The following CIRBP variants were observed in gnomAD, a reference collection of about 807,000 sequenced individuals.
CIRBP encodes cold inducible RNA binding protein.
A neutral mutation model predicts 22.3 loss-of-function variants in CIRBP; 11 were observed. The observed-to-expected ratio is 0.49, with a 90% confidence interval of 0.31 to 0.82. CIRBP has a LOEUF of 0.82. CIRBP is among the 40% of genes least tolerant of loss of function. CIRBP has a pLI of 0.05. For missense variants in CIRBP, 456 were observed against 402.7 expected (o/e 1.13, Z -1.13); for synonymous variants, 216 against 158.8 (o/e 1.36, Z -2.71).
intron 5 of CIRBP, 35 bp from the exon 6 acceptor site, chr19:1,271,946 T>A: frequency 6.4e-7 from 1 of 1,564,346 alleles, no homozygotes; most frequent in African/African-American, 1.3e-5. Flanking sequence ...AGTAGACGGG[T>A]ACCTTCCGGT....
chr19:1,271,427 C>T lies in CIRBP; in HGVS notation c.309C>T (p.Phe103=), dbSNP rs1396484444. 6 of 1,613,264 alleles carry T rather than the reference C, an allele frequency of 3.7e-6. No individual in the cohort carries two copies. Among genetic ancestry groups the T allele is most frequent in the Admixed American group, 1.7e-5 (1 of 59,974 alleles). ...GTGGCTCTGCCGGGGGCCGGGGCTTCTTCCGTGGGGGCCGAGGACGGGGCC... is the reference window on the plus strand; with the variant it reads ...GTGGCTCTGCCGGGGGCCGGGGCTTTTTCCGTGGGGGCCGAGGACGGGGCC... ...YRGGSAGGRG[F]FRGGRGRGRG... The change falls in exon 4 of 6, where the codon TTC becomes TTT. Residue 103 remains phenylalanine (F), a synonymous_variant. Transcript: ENST00000587896.
At chr19:1,270,876 A>C in intron 1 of CIRBP, 52 bp from the exon 2 acceptor site, 1 of 1,063,222 alleles carries the variant, frequency 9.4e-7, no homozygotes, top group Admixed American at 1.7e-5. Context: ...GGAAGCGGGG[A>C]GAGGTGGTGA....
At position 1,271,072 on chromosome 19, in the gene CIRBP, G is replaced by T. The variant is rs759549134; in HGVS notation, c.103+36G>T. ...TGCTGGGCCCGCGGCCCTGGGCGGG[G>T]GGGCTTGTGCTCCTCCTACCTGGAA... On this transcript the variant is annotated intron_variant, in intron 2 of 5. Coordinates refer to ENST00000587896, the MANE Select transcript of CIRBP (RefSeq NM_001300829.2). The T allele has an allele frequency of 4.3e-6, 7 of 1,611,562 alleles. No individual in the cohort carries two copies. The South Asian group carries it at 7.7e-5, about 18-fold the overall frequency.
At position 1,274,657 on chromosome 19, in the gene CIRBP, T is replaced by A. The variant is rs1436256841; in HGVS notation, c.*2214T>A. ...CTTCCTCCTCCTTCCAGGAGGCGCT[T>A]CGCCAGTGAGGTGCGGGCTCAGGGC... On this transcript the variant is annotated 3_prime_UTR_variant, in exon 6 of 6. Transcript: ENST00000587896. 1 of 219,978 alleles carries A rather than the reference T, an allele frequency of 4.5e-6. No homozygotes were observed. The highest frequency in any genetic ancestry group is 8.9e-6 in the Non-Finnish European group (1 of 112,688). 13.6% of individuals were successfully genotyped at this position (219,978 alleles called of 1,614,324 possible).
rs1488944300 is a variant in CIRBP, at chr19:1,273,452, G to C, written c.*1009G>C. The C allele has an allele frequency of 6.6e-6, 1 of 152,368 alleles. No homozygotes were observed. Among genetic ancestry groups the C allele is most frequent in the Non-Finnish European group, 1.5e-5 (1 of 68,144 alleles). 9.4% of individuals were successfully genotyped at this position (152,368 alleles called of 1,614,324 possible). A position where few individuals can be genotyped will look rare whatever the true frequency, so the allele number is the denominator to read the frequency against. On this transcript the variant is annotated 3_prime_UTR_variant, in exon 6 of 6. Transcript: ENST00000587896. ...CTGTGCGGGCAGCTTAGCAGGGACAGTGGACGTGCACCTGACGCTGACCTG... is the reference window on the plus strand; with the variant it reads ...CTGTGCGGGCAGCTTAGCAGGGACACTGGACGTGCACCTGACGCTGACCTG...
chr19:1,272,294 C>T lies in CIRBP; in HGVS notation c.745C>T (p.Arg249Cys), dbSNP rs772958212. 29 of 1,613,296 alleles carry T rather than the reference C, an allele frequency of 1.8e-5. No homozygotes were observed. The Admixed American group carries it at 3.0e-4, about 17-fold the overall frequency. ...GCAGTCAGCTAGGTGCATGTGTGGC[C>T]GCAGGCCAGCCTCCCTCGGCTGTGG... ...AGQSARCMCGRRPASLGCGGW... is the reference protein window; with the variant it reads ...AGQSARCMCGCRPASLGCGGW... The change falls in exon 6 of 6, where the codon CGC (arginine) becomes TGC (cysteine). Residue 249 changes from arginine to cysteine, a missense_variant. Arg to Cys is a radical substitution (Grantham distance 180, BLOSUM62 -3). Around this residue, in one of 2 missense-constraint regions of CIRBP, gnomAD observed 426 missense variants for 339.6 expected, o/e 1.25. Transcript: ENST00000587896.
intron 1 of CIRBP, 76 bp from the exon 2 acceptor site, chr19:1,270,852 A>G (rs2081327617): frequency 2.2e-6 from 2 of 924,612 alleles, no homozygotes; most frequent in Non-Finnish European, 3.5e-6. Context: ...AACACATGTC[A>G]TTTACATAAA....
intron 1 of CIRBP, 70 bp downstream of exon 1, chr19:1,269,480 C>A (rs1407680028): frequency 6.6e-6 from 1 of 151,020 alleles, no homozygotes; most frequent in African/African-American, 2.4e-5. Flanking sequence ...CCAGGCGAGG[C>A]GGGGCCGCAG....
chr19:1,272,497 G>T lies in CIRBP; in HGVS notation c.*54G>T, dbSNP rs1600028816. On this transcript the variant is annotated 3_prime_UTR_variant, in exon 6 of 6. Transcript: ENST00000587896. ...CAATGGCTGTGTGTTTAAAGATTGT[G>T]GGAGCTTCGCTGAACGTTAATGTGT... 2.1e-6 allele frequency: 3 copies of T among 1,416,588 alleles called. No individual in the cohort carries two copies. The highest frequency in any genetic ancestry group is 1.4e-5 in the South Asian group (1 of 72,856). 87.8% of individuals were successfully genotyped at this position (1,416,588 alleles called of 1,614,324 possible).
Position 1,270,987 on chromosome 19 carries a change from TGAGCAGTCGCTG to T in CIRBP, c.61_72del (p.Ser21_Gln24del). ...TTGGAGGGCTGAGTTTTGACACCAA[TGAGCAGTCGCTG>T]GAGCAGGTCTTCTCAAAGTACGGAC... is the stretch of plus-strand genomic sequence containing the variant. On this transcript the variant is annotated inframe_deletion, in exon 2 of 6. Transcript: ENST00000587896. 1 of 1,614,062 alleles carries T rather than the reference TGAGCAGTCGCTG, an allele frequency of 6.2e-7. No homozygotes were observed.
Position 1,271,985 on chromosome 19 carries a change from A to G in CIRBP, c.436A>G (p.Ser146Gly). 1.2e-6 allele frequency: 2 copies of G among 1,606,992 alleles called. No individual in the cohort carries two copies. Among genetic ancestry groups the G allele is most frequent in the Admixed American group, 1.7e-5 (1 of 59,920 alleles). ...CAACGTTTGTCTGTCTTGCAGCCGG[A>G]GTCAGAGTGGTGGCTACAGTGACCG... ...GGSRDYYSSR[S>G]QSGGYSDRSS... Residue 146 changes from serine (S) to glycine (G), a missense_variant, in exon 6 of 6, where the codon AGT (serine) becomes GGT (glycine). Coordinates refer to ENST00000587896, the MANE Select transcript of CIRBP (RefSeq NM_001300829.2).
rs770674430 is a variant in CIRBP at position 1,271,125 on chromosome 19, C to T, written c.104-15C>T. Reference sequence around the variant, plus strand: ...ACAGCTGGGTGCTGACTGCAGACCTCTCTCCCCTGCACAGTGGTGGTTGTG... The same window carrying T: ...ACAGCTGGGTGCTGACTGCAGACCTTTCTCCCCTGCACAGTGGTGGTTGTG... On this transcript the variant is annotated splice_polypyrimidine_tract_variant and intron_variant, in intron 2 of 5. Transcript: ENST00000587896. The T allele has an allele frequency of 1.3e-5, 21 of 1,612,874 alleles. No individual in the cohort carries two copies. The South Asian group carries it at 2.3e-4, about 18-fold the overall frequency.
In CIRBP at chr19:1,272,034, A is replaced by G; in HGVS notation, c.485A>G (p.Asp162Gly). 6.2e-7 allele frequency: 1 copy of G among 1,613,868 alleles called. No individual in the cohort carries two copies. The change falls in exon 6 of 6, where the codon GAC becomes GGC. Residue 162 changes from aspartate (D) to glycine (G), a missense_variant. Transcript: ENST00000587896. ...SDRSSGGSYR[D>G]SYDSYGKSHS... ...CGGAGCTCGGGCGGGTCCTACAGAGACAGTTATGACAGTTACGGTAAGTCA... is the reference window on the plus strand; with the variant it reads ...CGGAGCTCGGGCGGGTCCTACAGAGGCAGTTATGACAGTTACGGTAAGTCA...
rs2081387112 is a variant in CIRBP, at chr19:1,274,251, G to A, written c.*1808G>A. The A allele has an allele frequency of 6.5e-5, 26 of 400,866 alleles. No individual in the cohort carries two copies. In the East Asian group the frequency reaches 9.3e-4, roughly 14 times the overall value. 24.8% of individuals were successfully genotyped at this position (400,866 alleles called of 1,614,324 possible). A position where few individuals can be genotyped will look rare whatever the true frequency, so the allele number is the denominator to read the frequency against. ...TGGCTGTTTCCGGGGAGGCCGGGAGGGGCAGCTGTGAGCCCTGTGGAGGAC... is the reference window on the plus strand; with the variant it reads ...TGGCTGTTTCCGGGGAGGCCGGGAGAGGCAGCTGTGAGCCCTGTGGAGGAC... On this transcript the variant is annotated 3_prime_UTR_variant, in exon 6 of 6. Transcript: ENST00000587896.
intron 1 of CIRBP, chr19:1,270,092 A>G (rs763817466): frequency 1.9e-6 from 1 of 519,544 alleles, no homozygotes; most frequent in South Asian, 1.4e-5. Flanking sequence ...GTTCTCCTAA[A>G]TGCCACTTCC....
At chr19:1,270,634 G>T (rs763304755) in intron 1 of CIRBP, among the ~76,000 whole-genome samples, 5 of 152,024 alleles carry the variant, frequency 3.3e-5, no homozygotes, top group Non-Finnish European at 2.9e-5. Flanking sequence ...TTATCCAGGC[G>T]TGGTGGTGTA....
rs762498708 is a variant in CIRBP at position 1,271,539 on chromosome 19, C to T, written c.350-12C>T. ...GGTGGGAGCTGGTACTCACTTTTTC[C>T]TGTATGTGCAGGAGGAGGGGACCGA... On this transcript the variant is annotated splice_polypyrimidine_tract_variant and intron_variant, in intron 4 of 5. Transcript: ENST00000587896. 3 of 1,592,872 alleles carry T rather than the reference C, an allele frequency of 1.9e-6. No homozygotes were observed. The highest frequency in any genetic ancestry group is 1.1e-5 in the South Asian group (1 of 88,014).
chr19:1,272,080 G>T lies in CIRBP; in HGVS notation c.531G>T (p.Leu177=). 1 of 1,614,104 alleles carries T rather than the reference G, an allele frequency of 6.2e-7. No homozygotes were observed. The highest frequency in any genetic ancestry group is 8.5e-7 in the Non-Finnish European group (1 of 1,180,022). ...AGTCACACTCCGAGGGCGCCACGCT[G>T]CTGTGGCCTGCGGTGGGAGCTCGGT... The part of the protein sequence containing the change: ...YGKSHSEGAT[L]LWPAVGARFT... The change falls in exon 6 of 6, where the codon CTG becomes CTT. Residue 177 remains leucine, a synonymous_variant. Coordinates refer to ENST00000587896, the MANE Select transcript of CIRBP (RefSeq NM_001300829.2).
At chr19:1,274,835 C>A (rs2081396272), downstream of CIRBP, 1 of 152,882 alleles carries the variant, frequency 6.5e-6, no homozygotes. Flanking sequence ...TCAGGGGGGT[C>A]TGTCGGCGGA....
Sources: allele counts gnomAD v4.1 joint callset (sites outside exome capture counted in the v4.1 genomes callset), GRCh38; gene constraint gnomAD v4.1.1; regional missense constraint gnomAD v4.1.1; transcripts MANE v1.5; gene names NCBI Gene and HGNC (gene_info 2026-07-23, HGNC 2026-07-21).